Variants in USP13 observed in about 807,000 individuals in gnomAD.
The protein encoded by USP13 is ubiquitin carboxyl-terminal hydrolase 13.
USP13 carries 68 observed loss-of-function variants against 107.8 expected under a neutral mutation model. The observed-to-expected ratio is 0.63, with a 90% CI of 0.52 to 0.77. The LOEUF is 0.77. USP13 is among the 30% of genes least tolerant of loss of function. The probability of loss-of-function intolerance (pLI) is 0.00; values close to 1 mark genes in which losing one functional copy is unlikely to be tolerated. For synonymous variants in USP13, 377 were observed against 389.5 expected (o/e 0.97, Z 0.38); for missense variants, 945 against 1,093.3 (o/e 0.86, Z 1.91).
At chr3:179,780,256 A>G (rs1173844839) in intron 19 of USP13, among the ~76,000 whole-genome samples, 1 of 152,216 alleles carries the variant, frequency 6.6e-6, no homozygotes, top group Non-Finnish European at 1.5e-5. Context: ...AAAAGAAGTA[A>G]AAGTTATTTG....
Position 179,721,175 on chromosome 3 carries a change from C to T in USP13, c.901-227C>T, listed in dbSNP as rs1478240184. 1.3e-5 allele frequency among the ~76,000 whole-genome samples: 2 copies of T among 152,080 alleles called. No individual in the cohort carries two copies. Among genetic ancestry groups the T allele is most frequent in the African/African-American group, 4.8e-5 (2 of 41,404 alleles). On this transcript the variant is annotated intron_variant, in intron 7 of 20. Transcript: ENST00000263966. The surrounding 1 kb of genome is among the most constrained non-coding windows in gnomAD (Gnocchi z 4.3). ...TACAATATATATAATATAAAAGCTA[C>T]CATTTTAACTGTTTTTAAGCGTGCA...
At chr3:179,711,583 A>G (rs1260186773) in intron 6 of USP13, among the ~76,000 whole-genome samples, 1 of 152,034 alleles carries the variant, frequency 6.6e-6, no homozygotes, top group African/African-American at 2.4e-5. Flanking sequence ...AAACGTTTTT[A>G]TTAAAAACTA....
At chr3:179,725,298 GT>G (rs11438087) in intron 8 of USP13, among the ~76,000 whole-genome samples, 4 of 151,616 alleles carry the variant, frequency 2.6e-5, no homozygotes, top group Non-Finnish European at 5.9e-5. Flanking sequence ...TTTCCAGTGA[GT>G]TTTTTTTTGT....
chr3:179,765,976 C>CTTT, intron 19 of USP13, 128 bp downstream of exon 19: 2 of 888,106 alleles, frequency 2.3e-6, no homozygotes, highest in Non-Finnish European at 3.2e-6. Context: ...CCATCTTCTT[C>CTTT]GTTTTTTTTT....
chr3:179,659,051 C>T (rs1720376040), intron 1 of USP13, among the ~76,000 whole-genome samples: 1 of 152,190 alleles, frequency 6.6e-6, no homozygotes, highest in South Asian at 2.1e-4. Context: ...CGCATTGGGA[C>T]TGTTTTTTAA....
intron 19 of USP13, among the ~76,000 whole-genome samples, chr3:179,777,953 T>G (rs1339723929): frequency 6.6e-6 from 1 of 152,166 alleles, no homozygotes; most frequent in Non-Finnish European, 1.5e-5. Context: ...GGGTTCTTAG[T>G]GTGGGAGACA....
chr3:179,685,670 C>G (rs192759096), intron 2 of USP13, among the ~76,000 whole-genome samples: 1 of 151,050 alleles, frequency 6.6e-6, no homozygotes, highest in Admixed American at 6.6e-5. Flanking sequence ...GGCCCAGAGA[C>G]TTAGTAACTT....
intron 3 of USP13, among the ~76,000 whole-genome samples, chr3:179,698,159 C>T (rs1474283156): frequency 1.3e-5 from 2 of 152,108 alleles, no homozygotes; most frequent in African/African-American, 4.8e-5. Context: ...AGCTGACAGT[C>T]TAGAAGAATT....
intron 12 of USP13, among the ~76,000 whole-genome samples, chr3:179,744,157 G>A (rs1182436396): frequency 1.3e-5 from 2 of 152,048 alleles, no homozygotes; most frequent in South Asian, 2.1e-4. Context: ...AAGTTGTCTC[G>A]GCAGTGTTGG....
At chr3:179,729,407 C>T (rs533538450) in intron 8 of USP13, among the ~76,000 whole-genome samples, 1 of 152,326 alleles carries the variant, frequency 6.6e-6, no homozygotes, top group East Asian at 1.9e-4. Flanking sequence ...CAAGCAGAGG[C>T]TTCAGAGGAG....
intron 19 of USP13, among the ~76,000 whole-genome samples, chr3:179,778,078 G>A (rs988700583): frequency 6.6e-6 from 1 of 151,990 alleles, no homozygotes; most frequent in African/African-American, 2.4e-5. Context: ...TCAAACCTGG[G>A]ATTTTTTTCT....
At chr3:179,743,476 T>C (rs1714278915) in intron 12 of USP13, among the ~76,000 whole-genome samples, 1 of 152,088 alleles carries the variant, frequency 6.6e-6, no homozygotes, top group Non-Finnish European at 1.5e-5. Flanking sequence ...TGGGTCAGTT[T>C]ATGATGTTAG....
At position 179,788,931 on chromosome 3, in the gene USP13, A is replaced by G. The variant is rs2108565504; in HGVS notation, c.*4790A>G. On this transcript the variant is annotated 3_prime_UTR_variant, in exon 21 of 21. Coordinates refer to ENST00000263966, the MANE Select transcript of USP13 (RefSeq NM_003940.3). ...TGCCGAAAAACCAATATATATATGT[A>G]TGATCCCAATTAAAAGACAAAAGCA... 1 of 152,304 alleles carries G rather than the reference A, an allele frequency of 6.6e-6. No homozygotes were observed. The highest frequency in any genetic ancestry group is 1.5e-5 in the Non-Finnish European group (1 of 68,030). The allele number at this position is 152,304 out of a possible 1,614,324, so 9.4% of individuals were successfully genotyped here. A position where few individuals can be genotyped will look rare whatever the true frequency, so the allele number is the denominator to read the frequency against.
intron 2 of USP13, among the ~76,000 whole-genome samples, chr3:179,688,270 C>T (rs1711967566): frequency 6.7e-6 from 1 of 149,724 alleles, no homozygotes; most frequent in Non-Finnish European, 1.5e-5. Flanking sequence ...TGCTATATGC[C>T]AGGATTGCTG....
chr3:179,727,311 C>A, intron 8 of USP13, among the ~76,000 whole-genome samples: 1 of 131,454 alleles, frequency 7.6e-6, no homozygotes, highest in East Asian at 2.3e-4. Flanking sequence ...GAGGACCCTG[C>A]GGCCTTCTGC....
chr3:179,747,030 G>T (rs1714436927), intron 13 of USP13, among the ~76,000 whole-genome samples: 1 of 152,190 alleles, frequency 6.6e-6, no homozygotes, highest in South Asian at 2.1e-4. Context: ...CCCTATCCAA[G>T]GGAGATTAAT....
chr3:179,750,980 A>G (rs759031731), intron 13 of USP13, among the ~76,000 whole-genome samples: 2 of 152,214 alleles, frequency 1.3e-5, no homozygotes, highest in Admixed American at 6.5e-5. Context: ...TTTCTAACAG[A>G]AGATGCATTA....
intron 3 of USP13, among the ~76,000 whole-genome samples, chr3:179,695,167 T>G (rs1560051717): frequency 6.6e-6 from 1 of 152,220 alleles, no homozygotes; most frequent in Non-Finnish European, 1.5e-5. Context: ...TTCTCTGTTA[T>G]TTTTTGGCTA....
intron 19 of USP13, among the ~76,000 whole-genome samples, chr3:179,777,629 A>G (rs748020413): frequency 2.0e-5 from 3 of 150,556 alleles, no homozygotes; most frequent in Non-Finnish European, 3.0e-5. Context: ...ATTTTTTTGT[A>G]TTTGTAGAGA....
Sources: gnomAD v4.1 joint callset for allele counts (sites outside exome capture counted in the v4.1 genomes callset) on GRCh38, gnomAD v4.1.1 for gene constraint, Gnocchi (gnomAD v3.1) non-coding constraint, MANE v1.5 for transcripts, NCBI Gene and HGNC (gene_info 2026-07-23, HGNC 2026-07-21) for gene names.